The following PHLDB3 variants were observed in gnomAD, a reference collection of about 807,000 sequenced individuals.
PHLDB3 encodes pleckstrin homology like domain family B member 3.
Under a neutral mutation model 85.7 loss-of-function variants are expected in PHLDB3, and 86 were observed. The ratio of observed to expected loss-of-function variants is 1.00; its 90% CI spans 0.84 to 1.20. PHLDB3 has a LOEUF of 1.20. Ranked by LOEUF, PHLDB3 falls within the 50% of genes most tolerant of loss-of-function variation. The pLI is 0.00. For missense variants in PHLDB3, 995 were observed against 873.0 expected, an observed-to-expected ratio of 1.14 and a Z score of -1.76; for synonymous variants, 376 against 349.8, an observed-to-expected ratio of 1.07 and a Z score of -0.83.
At chr19:43,476,889 C>T (rs55908340) in intron 15 of PHLDB3, among the ~76,000 whole-genome samples, 1,970 of 152,140 alleles carry the variant, frequency 0.013, 35 homozygotes, top group African/African-American at 0.045. Context: ...TATAAGACAA[C>T]ACCATGGGAC....
At chr19:43,476,600 C>A (rs563821716) in intron 15 of PHLDB3, among the ~76,000 whole-genome samples, 21 of 151,888 alleles carry the variant, frequency 1.4e-4, no homozygotes, top group African/African-American at 4.3e-4. Context: ...GAGATAGAGG[C>A]TGCAGTGAGC....
chr19:43,481,019 C>T (rs565585512), intron 13 of PHLDB3, among the ~76,000 whole-genome samples: 1 of 152,298 alleles, frequency 6.6e-6, no homozygotes, highest in East Asian at 1.9e-4. Context: ...TTTCTTCATG[C>T]AAGCAGATCC....
chr19:43,494,099 C>G (rs1971383848), intron 9 of PHLDB3, among the ~76,000 whole-genome samples: 1 of 152,184 alleles, frequency 6.6e-6, no homozygotes, highest in African/African-American at 2.4e-5. Context: ...GTGGCATAAT[C>G]TCGGCTCACT....
At chr19:43,478,718 A>G (rs1241492340) in intron 14 of PHLDB3, among the ~76,000 whole-genome samples, 1 of 152,100 alleles carries the variant, frequency 6.6e-6, no homozygotes, top group Non-Finnish European at 1.5e-5. Context: ...GATCGAGACC[A>G]TCCTGGCTAA....
chr19:43,479,743 C>T, intron 13 of PHLDB3, 150 bp from the exon 14 acceptor site: 1 of 623,748 alleles, frequency 1.6e-6, no homozygotes, highest in South Asian at 1.9e-5. Context: ...CTGACAAATG[C>T]AACGGCTACG....
chr19:43,484,386 AT>A (rs1330146836), intron 13 of PHLDB3, among the ~76,000 whole-genome samples: 1 of 151,574 alleles, frequency 6.6e-6, no homozygotes, highest in Non-Finnish European at 1.5e-5. Context: ...AGATGTGACA[AT>A]GGAATTTTTG....
chr19:43,495,096 G>T (rs537598057), intron 8 of PHLDB3, among the ~76,000 whole-genome samples, 160 bp downstream of exon 8: 3 of 147,586 alleles, frequency 2.0e-5, no homozygotes, highest in African/African-American at 7.6e-5. Flanking sequence ...CTGGGGCCTG[G>T]ACTCCTGAGT....
At chr19:43,498,040 T>A (rs1456783640) in intron 4 of PHLDB3, among the ~76,000 whole-genome samples, 164 bp from the exon 5 acceptor site, 1 of 152,068 alleles carries the variant, frequency 6.6e-6, no homozygotes, top group Non-Finnish European at 1.5e-5. Flanking sequence ...CACCAAGATT[T>A]TAAAGAAATG....
At chr19:43,503,878 C>T (rs1316596287) in intron 2 of PHLDB3, 28 bp downstream of exon 2, 1 of 1,613,002 alleles carries the variant, frequency 6.2e-7, no homozygotes, top group Admixed American at 1.7e-5. Flanking sequence ...GTCCAAGCCC[C>T]CCGCGCTGTC....
At chr19:43,487,383 T>C (rs1390343646) in intron 9 of PHLDB3, among the ~76,000 whole-genome samples, 2 of 151,714 alleles carry the variant, frequency 1.3e-5, no homozygotes, top group East Asian at 3.9e-4. Context: ...GACACCAGCC[T>C]GGCCAATATG....
chr19:43,482,785 A>G (rs777708774), intron 13 of PHLDB3, among the ~76,000 whole-genome samples: 2 of 151,930 alleles, frequency 1.3e-5, no homozygotes, highest in African/African-American at 2.4e-5. Flanking sequence ...TGATCTGCCC[A>G]CCTCAGCCTC....
At position 43,487,982 on chromosome 19, in the gene PHLDB3, C is replaced by T. The variant is rs140447071; in HGVS notation, c.1150-859G>A. 4.4e-3 allele frequency among the ~76,000 whole-genome samples: 672 copies of T among 151,642 alleles called. 7 individuals carry two copies. Among genetic ancestry groups the T allele is most frequent in the African/African-American group, 0.014 (599 of 41,316 alleles). On this transcript the variant is annotated intron_variant, in intron 9 of 15. Transcript: ENST00000292140. ...CAGCCAGGCCAACATGGTGAAACCC[C>T]GTCTCTACTAAAAATACAAAAATTA...
rs1165446562 is a variant in PHLDB3 at position 43,477,495 on chromosome 19, C to G, written c.1788+552G>C. ...TGGCGCCACCGCACTCCAGCCTGGG[C>G]AACAGAGCCAGACTCCATCTAAAAA... On this transcript the variant is annotated intron_variant, in intron 15 of 15. Transcript: ENST00000292140. 1.9e-4 allele frequency among the ~76,000 whole-genome samples: 27 copies of G among 144,034 alleles called. 1 individual carries two copies. Among genetic ancestry groups the G allele is most frequent in the Non-Finnish European group, 3.1e-4 (21 of 67,064 alleles). 94.5% of individuals were successfully genotyped at this position (144,034 alleles called of 152,430 possible).
chr19:43,493,315 T>TAAAA (rs370814591), intron 9 of PHLDB3, among the ~76,000 whole-genome samples: 2,483 of 143,270 alleles, frequency 0.017, 39 homozygotes, highest in Middle Eastern at 0.12. Flanking sequence ...AATAAATAAA[T>TAAAA]AAAATAAAAG....
intron 13 of PHLDB3, among the ~76,000 whole-genome samples, chr19:43,485,563 T>A (rs1971136617): frequency 6.6e-6 from 1 of 151,276 alleles, no homozygotes; most frequent in South Asian, 2.1e-4. Context: ...GTTTTGATTT[T>A]TTTTTTTTTT....
rs200088662 is a variant in PHLDB3, at chr19:43,504,016, G to A, written c.103C>T (p.Gln35Ter). The A allele has an allele frequency of 1.2e-5, 20 of 1,613,916 alleles. No individual in the cohort carries two copies. The highest frequency in any genetic ancestry group is 1.6e-5 in the Non-Finnish European group (19 of 1,179,806). ...PQGHPEESRE[Q>*]EASEVLAEPS... ...TCCGCCAGGACTTCGGATGCCTCCT[G>A]TTCCCGGGACTCCTCGGGATGGCCC... The change falls in exon 2 of 16, where the codon CAG becomes TAG. Residue 35 changes from glutamine (Q) to a stop codon, truncating the protein, a stop_gained. Transcript: ENST00000292140. LOFTEE classifies it high-confidence loss of function.
chr19:43,501,648 C>T (rs763289984), intron 4 of PHLDB3, 86 bp downstream of exon 4: 222 of 1,532,564 alleles, frequency 1.4e-4, no homozygotes, highest in Non-Finnish European at 1.9e-4. Context: ...ATGGGGACAA[C>T]CCCGGGGCGC....
At chr19:43,485,437 T>G (rs2145906069) in intron 13 of PHLDB3, among the ~76,000 whole-genome samples, 1 of 151,898 alleles carries the variant, frequency 6.6e-6, no homozygotes, top group South Asian at 2.1e-4. Context: ...GGTCTTGAAC[T>G]CCTGACCTCA....
Position 43,495,269 on chromosome 19 carries a change from G to T in PHLDB3, c.1022C>A (p.Pro341Gln). The change falls in exon 8 of 16, where the codon CCG becomes CAG. Residue 341 changes from proline to glutamine, a missense_variant. By Grantham distance (76) the Pro-to-Gln change is moderately conservative (BLOSUM62 -1). Coordinates refer to ENST00000292140, the MANE Select transcript of PHLDB3 (RefSeq NM_198850.4). ...AAATCCCCATACCTTAGTGAGGGCC[G>T]GGTTGGGCTCAGAGAAGTCCCCGCC... The part of the protein sequence containing the change: ...TPGGDFSEPN[P>Q]ALTKLLFTQK... The T allele has an allele frequency of 6.2e-7, 1 of 1,613,762 alleles. No individual in the cohort carries two copies.
Sources: allele counts gnomAD v4.1 joint callset (sites outside exome capture counted in the v4.1 genomes callset), GRCh38; gene constraint gnomAD v4.1.1; transcripts MANE v1.5; gene names NCBI Gene and HGNC (gene_info 2026-07-23, HGNC 2026-07-21).